Variants in SNX29 observed in about 807,000 individuals in gnomAD.
The protein encoded by SNX29 is sorting nexin 29, also known as sorting nexin-29.
In SNX29, 78 loss-of-function variants were observed where a neutral mutation model predicts 102.1. The observed-to-expected ratio is 0.76, with a 90% confidence interval of 0.64 to 0.92. The LOEUF is 0.92. Ranked by LOEUF, SNX29 falls within the 40% of genes least tolerant of loss-of-function variation. SNX29 has a pLI of 0.00. For missense variants in SNX29, 1,280 were observed against 1,061.7 expected (o/e 1.21, Z -2.86); for synonymous variants, 580 against 414.5 (o/e 1.40, Z -4.85).
At chr16:12,553,074 C>T (rs555250710) in intron 20 of SNX29, among the ~76,000 whole-genome samples, 10 of 152,334 alleles carry the variant, frequency 6.6e-5, no homozygotes, top group African/African-American at 2.4e-4. Flanking sequence ...AAGCAACACT[C>T]ACCTGCATAT....
At chr16:12,336,375 C>T (rs1302380050) in intron 15 of SNX29, among the ~76,000 whole-genome samples, 3 of 152,214 alleles carry the variant, frequency 2.0e-5, no homozygotes, top group East Asian at 1.9e-4. Flanking sequence ...CAAATCTTGA[C>T]ATGAAACTGT....
chr16:12,150,956 C>T (rs2055273123), intron 13 of SNX29, among the ~76,000 whole-genome samples: 1 of 152,208 alleles, frequency 6.6e-6, no homozygotes, highest in Admixed American at 6.5e-5. Flanking sequence ...GTGACCTTGG[C>T]TTTCAGAGGA....
intron 19 of SNX29, among the ~76,000 whole-genome samples, chr16:12,510,606 G>T (rs2089571758): frequency 6.6e-6 from 1 of 152,072 alleles, no homozygotes; most frequent in Non-Finnish European, 1.5e-5. Flanking sequence ...CCCGGAGGCA[G>T]AGGTTGCAGT....
intron 18 of SNX29, among the ~76,000 whole-genome samples, chr16:12,423,959 T>A (rs2084962193): frequency 6.6e-6 from 1 of 152,168 alleles, no homozygotes; most frequent in Non-Finnish European, 1.5e-5. Context: ...GTGTCGGGGA[T>A]AGTCCTGTTT....
At chr16:12,498,804 T>A (rs554042607) in intron 19 of SNX29, among the ~76,000 whole-genome samples, 7 of 152,210 alleles carry the variant, frequency 4.6e-5, no homozygotes, top group Non-Finnish European at 1.0e-4. Context: ...ATTAAAACAA[T>A]TTTTGGCCAC....
chr16:12,356,681 T>C (rs2082145697), intron 16 of SNX29, among the ~76,000 whole-genome samples: 1 of 152,274 alleles, frequency 6.6e-6, no homozygotes, highest in African/African-American at 2.4e-5. Flanking sequence ...TATTTGTTTT[T>C]AATTGAATAT....
intron 19 of SNX29, among the ~76,000 whole-genome samples, chr16:12,522,509 A>C (rs1165573222): frequency 1.3e-5 from 2 of 152,014 alleles, no homozygotes; most frequent in East Asian, 3.9e-4. Context: ...TGTAATCCGC[A>C]GTGTTAGAGG....
chr16:12,188,259 C>T (rs983367508), intron 13 of SNX29, among the ~76,000 whole-genome samples: 2 of 152,158 alleles, frequency 1.3e-5, no homozygotes, highest in Non-Finnish European at 2.9e-5. Context: ...TCTGTAGTTT[C>T]TGAAGGTAGA....
chr16:11,995,500 C>T (rs918429997), intron 1 of SNX29, among the ~76,000 whole-genome samples: 1 of 152,032 alleles, frequency 6.6e-6, no homozygotes, highest in East Asian at 1.9e-4. Flanking sequence ...TGGGTTGAGA[C>T]CTGCACAATC....
chr16:12,068,054 C>G lies in SNX29; in HGVS notation c.1244-1003C>G, dbSNP rs80270945. On this transcript the variant is annotated intron_variant, in intron 9 of 20. Transcript: ENST00000566228. ...GTCAGGAATTAGACCATGCTGCCCT[C>G]TACTGTCTGATTCAAGGCACTACAA... 3.0e-3 allele frequency among the ~76,000 whole-genome samples: 459 copies of G among 152,270 alleles called. 1 individual carries two copies. The highest frequency in any genetic ancestry group is 5.4e-3 in the Non-Finnish European group (369 of 68,028).
chr16:12,508,375 A>C (rs117970645), intron 19 of SNX29, among the ~76,000 whole-genome samples: 1 of 152,174 alleles, frequency 6.6e-6, no homozygotes, highest in Non-Finnish European at 1.5e-5. Context: ...AGCTCGATGA[A>C]CTGTAGCAGC....
intron 20 of SNX29, among the ~76,000 whole-genome samples, chr16:12,550,327 G>T (rs570870865): frequency 6.6e-6 from 1 of 152,090 alleles, no homozygotes; most frequent in Non-Finnish European, 1.5e-5. Flanking sequence ...ACCTGAGGTC[G>T]AGTGTGAGAC....
At chr16:12,075,901 C>G (rs1164279324) in intron 10 of SNX29, among the ~76,000 whole-genome samples, 1 of 152,238 alleles carries the variant, frequency 6.6e-6, no homozygotes, top group Non-Finnish European at 1.5e-5. Context: ...TCGCTGCCGC[C>G]TTGCAGTTTG....
At chr16:12,434,647 G>A (rs2085455313) in intron 18 of SNX29, among the ~76,000 whole-genome samples, 1 of 152,140 alleles carries the variant, frequency 6.6e-6, no homozygotes, top group African/African-American at 2.4e-5. Flanking sequence ...CCAAGTGCTA[G>A]GGACCCGCCA....
intron 20 of SNX29, among the ~76,000 whole-genome samples, chr16:12,537,454 C>T (rs780552962): frequency 2.0e-5 from 3 of 151,738 alleles, no homozygotes; most frequent in Admixed American, 1.3e-4. Flanking sequence ...AACTTCACCT[C>T]TGCCTCAGCA....
chr16:12,194,903 A>C (rs1008874587), intron 13 of SNX29, among the ~76,000 whole-genome samples: 2 of 152,202 alleles, frequency 1.3e-5, no homozygotes, highest in African/African-American at 4.8e-5. Flanking sequence ...CTGGGATTAC[A>C]GGCATGAGCC....
chr16:12,490,289 G>C (rs1445133527), intron 19 of SNX29, among the ~76,000 whole-genome samples: 3 of 152,190 alleles, frequency 2.0e-5, no homozygotes, highest in Admixed American at 6.5e-5. Flanking sequence ...ACCATAGTGT[G>C]CTTTTGCCTG....
rs1298026529 is a variant in SNX29 at position 12,568,857 on chromosome 16, C to T, written c.*228C>T. The stretch of plus-strand genomic sequence containing the variant: ...CAGCACCTCGCTGGAGAGACTGGGA[C>T]ACACAGTCCTTCTGCTTCTGGGGTC... On this transcript the variant is annotated 3_prime_UTR_variant, in exon 21 of 21. Transcript: ENST00000566228. 3 of 636,154 alleles carry T rather than the reference C, an allele frequency of 4.7e-6. No homozygotes were observed. In the East Asian group the frequency reaches 9.0e-5, roughly 19 times the overall value. The allele number at this position is 636,154 out of a possible 1,614,324, so 39.4% of individuals were successfully genotyped here.
intron 18 of SNX29, among the ~76,000 whole-genome samples, chr16:12,433,630 C>G (rs1248172048): frequency 5.4e-5 from 3 of 55,336 alleles, no homozygotes; most frequent in Non-Finnish European, 1.0e-4. Flanking sequence ...GACTGCGTCT[C>G]AAAAAAAAAA....
Sources: gnomAD v4.1 joint callset for allele counts (sites outside exome capture counted in the v4.1 genomes callset) on GRCh38, gnomAD v4.1.1 for gene constraint, MANE v1.5 for transcripts, NCBI Gene and HGNC (gene_info 2026-07-23, HGNC 2026-07-21) for gene names.